The following DBNDD1 variants were observed in gnomAD, a reference collection of about 807,000 sequenced individuals.
The protein encoded by DBNDD1 is dysbindin domain-containing protein 1.
Under a neutral mutation model 17.0 loss-of-function variants are expected in DBNDD1, and 14 were observed. The observed-to-expected ratio is 0.82, with a 90% CI of 0.54 to 1.29. The LOEUF (loss-of-function observed/expected upper bound fraction) is 1.29, where lower values mean the gene tolerates loss of function less well. DBNDD1 is among the 50% of genes most tolerant of loss of function. DBNDD1 has a pLI of 0.00. For missense variants in DBNDD1, 221 were observed against 216.2 expected, an observed-to-expected ratio of 1.02 and a Z score of -0.14; for synonymous variants, 105 against 102.0, an observed-to-expected ratio of 1.03 and a Z score of -0.18.
chr16:90,015,920 A>G (rs1231769759), intron 1 of DBNDD1, among the ~76,000 whole-genome samples: 4 of 152,172 alleles, frequency 2.6e-5, no homozygotes, highest in African/African-American at 9.7e-5. Flanking sequence ...AAAATTAGAT[A>G]GTGGTGGTGA....
intron 2 of DBNDD1, 60 bp from the exon 3 acceptor site, chr16:90,008,984 C>G (rs1213396985): frequency 1.3e-6 from 2 of 1,489,322 alleles, no homozygotes; most frequent in East Asian, 5.0e-5. Context: ...CTCAGAGCCC[C>G]GGGGGTCTAG....
chr16:90,009,405 C>T lies in DBNDD1; in HGVS notation c.57G>A (p.Pro19=), dbSNP rs770421132. 1.1e-5 allele frequency: 17 copies of T among 1,612,344 alleles called. No homozygotes were observed. The Admixed American group carries it at 1.3e-4, about 13-fold the overall frequency. ...TGEIVKEAEV[P]QAALGVPAQG... ...GGGCTGGGACGCCCAGCGCAGCCTG[C>T]GGCACCTCAGCCTCCTTAACGATCT... is the stretch of plus-strand genomic sequence containing the variant. Residue 19 remains proline (P), a synonymous_variant, in exon 2 of 4, where the codon CCG becomes CCA. Coordinates refer to ENST00000002501, the MANE Select transcript of DBNDD1 (RefSeq NM_001042610.3).
rs547541748 is a variant in DBNDD1 at position 90,012,748 on chromosome 16, C to T, written c.32-3318G>A. ...TGCTGGCATTACAGGCATGAGCCAC[C>T]GCACCTGGCCTCTCTCTCTCAAGAG... On this transcript the variant is annotated intron_variant, in intron 1 of 3. Coordinates refer to ENST00000002501, the MANE Select transcript of DBNDD1 (RefSeq NM_001042610.3). Among the ~76,000 whole-genome samples the T allele has an allele frequency of 1.1e-4, 17 of 151,876 alleles. No individual in the cohort carries two copies. The South Asian group carries it at 1.7e-3, about 15-fold the overall frequency.
At position 90,019,095 on chromosome 16, in the gene DBNDD1, G is replaced by A. The variant is rs1349192120; in HGVS notation, c.31+216C>T. On this transcript the variant is annotated intron_variant, in intron 1 of 3. Transcript: ENST00000002501. The surrounding 1 kb of genome is among the most constrained non-coding windows in gnomAD (Gnocchi z 6.1). ...GGGCACGGCTTCCCGGGCCGGGAGC[G>A]CAGAGAACAAGGGGGCGGAGACTCG... is the stretch of plus-strand genomic sequence containing the variant. 1.3e-5 allele frequency among the ~76,000 whole-genome samples: 2 copies of A among 152,292 alleles called. No homozygotes were observed. The highest frequency in any genetic ancestry group is 1.9e-4 in the East Asian group (1 of 5,168).
rs530078772 is a variant in DBNDD1, at chr16:90,015,625, A to G, written c.31+3686T>C. Among the ~76,000 whole-genome samples, 302 of 152,320 alleles carry G rather than the reference A, an allele frequency of 2.0e-3. 3 individuals carry two copies. The highest frequency in any genetic ancestry group is 4.2e-3 in the Admixed American group (64 of 15,294). On this transcript the variant is annotated intron_variant, in intron 1 of 3. Coordinates refer to ENST00000002501, the MANE Select transcript of DBNDD1 (RefSeq NM_001042610.3). ...ATAATCCAATGTCCTCAGTGGATCAATGGATAAACAGAATGTGGTCTGTGC... is the reference window on the plus strand; with the variant it reads ...ATAATCCAATGTCCTCAGTGGATCAGTGGATAAACAGAATGTGGTCTGTGC...
At position 90,006,440 on chromosome 16, in the gene DBNDD1, C is replaced by T. The variant is rs2151258711; in HGVS notation, c.372G>A (p.Arg124=). 2 of 1,602,322 alleles carry T rather than the reference C, an allele frequency of 1.2e-6. No individual in the cohort carries two copies. The highest frequency in any genetic ancestry group is 2.2e-5 in the East Asian group (1 of 44,870). The change falls in exon 4 of 4, where the codon AGG becomes AGA. Residue 124 remains arginine (R), a synonymous_variant. Transcript: ENST00000002501. ...AGYLRSPSWT[R]TRAEQSHEKQ... is the part of the protein sequence containing the mutation. ...TCTCGTGGCTCTGCTCAGCCCTTGT[C>T]CTCGTCCAGGAAGGGGAGCGCAGGT...
intron 3 of DBNDD1, 80 bp from the exon 4 acceptor site, chr16:90,006,572 T>G (rs2035432166): frequency 6.6e-7 from 1 of 1,509,036 alleles, no homozygotes; most frequent in South Asian, 1.2e-5. Context: ...GCCGCCGGCC[T>G]CCTGCGCCAC....
At chr16:90,014,168 C>CT (rs2035600646) in intron 1 of DBNDD1, among the ~76,000 whole-genome samples, 1 of 151,420 alleles carries the variant, frequency 6.6e-6, no homozygotes, top group Non-Finnish European at 1.5e-5. Context: ...CGCTCTGTCA[C>CT]CAGGCTGGAG....
chr16:90,018,874 C>T (rs1198692891), intron 1 of DBNDD1, among the ~76,000 whole-genome samples: 4 of 152,228 alleles, frequency 2.6e-5, no homozygotes, highest in Non-Finnish European at 5.9e-5. Flanking sequence ...GTCTACGGCC[C>T]TCGCCCCCCG....
chr16:90,014,712 A>G (rs1165056166), intron 1 of DBNDD1, among the ~76,000 whole-genome samples: 1 of 152,116 alleles, frequency 6.6e-6, no homozygotes, highest in African/African-American at 2.4e-5. Context: ...ACTCTTAAGA[A>G]GTATCCTTTC....
upstream of DBNDD1, chr16:90,019,629 GACC>G (rs2035740031): frequency 2.5e-6 from 1 of 407,514 alleles, no homozygotes; most frequent in East Asian, 3.7e-5. The surrounding 1 kb of genome is among the most constrained non-coding windows in gnomAD (Gnocchi z 6.1). Context: ...CTCCCCCGCC[GACC>G]CTTCCCTCGC....
Position 90,006,704 on chromosome 16 carries a change from G to T in DBNDD1, c.320-212C>A, listed in dbSNP as rs982658345. ...GGATGTTGTGGTCTGGGTGGGGCCT[G>T]GGCAGGGTCTTTTCTGGTGCTCCCC... On this transcript the variant is annotated intron_variant, in intron 3 of 3. Coordinates refer to ENST00000002501, the MANE Select transcript of DBNDD1 (RefSeq NM_001042610.3). 6 of 646,918 alleles carry T rather than the reference G, an allele frequency of 9.3e-6. No homozygotes were observed. In the African/African-American group the frequency reaches 1.1e-4, roughly 12 times the overall value. The allele number at this position is 646,918 out of a possible 1,614,324, so 40.1% of individuals were successfully genotyped here.
At chr16:90,006,562 G>A in intron 3 of DBNDD1, 70 bp from the exon 4 acceptor site, 4 of 1,537,726 alleles carry the variant, frequency 2.6e-6, no homozygotes, top group South Asian at 1.2e-5. Flanking sequence ...AGCTCCAGGT[G>A]CCGCCGGCCT....
At chr16:90,018,671 GC>G (rs1166211317) in intron 1 of DBNDD1, among the ~76,000 whole-genome samples, 1 of 152,230 alleles carries the variant, frequency 6.6e-6, no homozygotes. Flanking sequence ...CCAAGGTCCT[GC>G]AGTAGGGCCT....
chr16:90,009,444 C>A lies in DBNDD1; in HGVS notation c.32-14G>T. 1 of 1,608,518 alleles carries A rather than the reference C, an allele frequency of 6.2e-7. No homozygotes were observed. The highest frequency in any genetic ancestry group is 1.7e-5 in the Admixed American group (1 of 60,018). ...CCTTAACGATCTCTGCATCCAAAGA[C>A]ACAGTGTCACCTTGAGATCCACAGG... is the stretch of plus-strand genomic sequence containing the variant. On this transcript the variant is annotated splice_polypyrimidine_tract_variant and intron_variant, in intron 1 of 3. Coordinates refer to ENST00000002501, the MANE Select transcript of DBNDD1 (RefSeq NM_001042610.3).
At chr16:90,009,217 C>T in intron 2 of DBNDD1, 67 bp downstream of exon 2, 2 of 1,594,788 alleles carry the variant, frequency 1.3e-6, no homozygotes, top group African/African-American at 1.3e-5. Context: ...GTGGACCCTG[C>T]TGCCTTGTCT....
At position 90,006,123 on chromosome 16, in the gene DBNDD1, A is replaced by C; in HGVS notation, c.*212T>G. 1 of 679,656 alleles carries C rather than the reference A, an allele frequency of 1.5e-6. No homozygotes were observed. 42.1% of individuals were successfully genotyped at this position (679,656 alleles called of 1,614,324 possible). A position where few individuals can be genotyped will look rare whatever the true frequency, so the allele number is the denominator to read the frequency against. On this transcript the variant is annotated 3_prime_UTR_variant, in exon 4 of 4. Transcript: ENST00000002501. Reference sequence around the variant, plus strand: ...CGGGGGCCCCGTGTGTCCCCCAGGAAAGCCGGCTGGTCTCCAAGTGAGGCG... The same window carrying C: ...CGGGGGCCCCGTGTGTCCCCCAGGACAGCCGGCTGGTCTCCAAGTGAGGCG...
intron 1 of DBNDD1, among the ~76,000 whole-genome samples, chr16:90,013,249 C>T (rs1033297543): frequency 5.9e-4 from 16 of 26,908 alleles, no homozygotes; most frequent in East Asian, 5.3e-3. Context: ...AGCAACAGAG[C>T]GAAACCTTGC....
chr16:90,010,397 C>A (rs2035532008), intron 1 of DBNDD1, among the ~76,000 whole-genome samples: 1 of 129,606 alleles, frequency 7.7e-6, no homozygotes, highest in Admixed American at 8.6e-5. Flanking sequence ...GAGACAGAGT[C>A]TCGCTCTGTC....
Sources: gnomAD v4.1 joint callset for allele counts (sites outside exome capture counted in the v4.1 genomes callset) on GRCh38, gnomAD v4.1.1 for gene constraint, Gnocchi (gnomAD v3.1) non-coding constraint, MANE v1.5 for transcripts, NCBI Gene and HGNC (gene_info 2026-07-23, HGNC 2026-07-21) for gene names.